DOCK8: variants seen among roughly 807,000 people sequenced by gnomAD.
DOCK8 encodes the protein dedicator of cytokinesis protein 8.
A neutral mutation model predicts 245.6 loss-of-function variants in DOCK8; 141 were observed. That is an observed-to-expected ratio of 0.57 (90% CI 0.50 to 0.66). DOCK8 has a LOEUF of 0.66. Ranked by LOEUF, DOCK8 falls within the 30% of genes least tolerant of loss-of-function variation. DOCK8 has a pLI of 0.00. For missense variants in DOCK8, 2,965 were observed against 2,603.4 expected, an observed-to-expected ratio of 1.14 and a Z score of -3.02; for synonymous variants, 1,168 against 970.2, an observed-to-expected ratio of 1.20 and a Z score of -3.79.
chr9:303,710 CGT>C (rs972059182), intron 4 of DOCK8, among the ~76,000 whole-genome samples: 2 of 152,112 alleles, frequency 1.3e-5, no homozygotes, highest in African/African-American at 4.8e-5. Context: ...ATGTGGGTGA[CGT>C]CAGTATCATG....
At chr9:362,137 G>C (rs2052759564) in intron 14 of DOCK8, among the ~76,000 whole-genome samples, 1 of 152,104 alleles carries the variant, frequency 6.6e-6, no homozygotes, top group South Asian at 2.1e-4. Context: ...ATGACTGATT[G>C]GTCCTCCATG....
At chr9:286,034 A>T (rs2048810773) in intron 2 of DOCK8, among the ~76,000 whole-genome samples, 3 of 152,206 alleles carry the variant, frequency 2.0e-5, no homozygotes, top group Admixed American at 2.0e-4. Context: ...CACTCAGCCA[A>T]GGAGTGTTGA....
intron 1 of DOCK8, among the ~76,000 whole-genome samples, chr9:216,027 G>T (rs1172977313): frequency 6.6e-6 from 1 of 152,134 alleles, no homozygotes; most frequent in Non-Finnish European, 1.5e-5. Flanking sequence ...TGTGTGAAGA[G>T]GTTTGAACAA....
intron 4 of DOCK8, among the ~76,000 whole-genome samples, chr9:290,065 T>A (rs1438787435): frequency 2.0e-5 from 3 of 152,212 alleles, no homozygotes; most frequent in Non-Finnish European, 4.4e-5. Context: ...ATAGCTCATT[T>A]TTTTTATTGC....
chr9:397,267 C>T (rs1281679879), intron 25 of DOCK8, among the ~76,000 whole-genome samples: 1 of 149,438 alleles, frequency 6.7e-6, no homozygotes, highest in Non-Finnish European at 1.5e-5. Context: ...AAGAGAACTG[C>T]TTGAACCTGG....
intron 46 of DOCK8, chr9:456,664 C>G (rs1472414003): frequency 6.6e-6 from 1 of 152,254 alleles, no homozygotes; most frequent in Admixed American, 6.5e-5. Flanking sequence ...ACTCTTCAAA[C>G]TGTTACCAAG....
upstream of DOCK8, chr9:214,605 G>C: frequency 6.2e-7 from 1 of 1,613,928 alleles, no homozygotes; most frequent in East Asian, 2.2e-5. Flanking sequence ...CGGGCAGATG[G>C]AGCTTCCGGC....
intron 1 of DOCK8, among the ~76,000 whole-genome samples, chr9:248,098 A>G (rs1368650763): frequency 4.6e-5 from 7 of 152,186 alleles, no homozygotes; most frequent in African/African-American, 1.4e-4. Flanking sequence ...GAGTCTGATA[A>G]TTTGGTGGAG....
intron 33 of DOCK8, 27 bp downstream of exon 33, chr9:422,162 C>G (rs2056304106): frequency 6.3e-7 from 1 of 1,593,534 alleles, no homozygotes. Context: ...CTTTCTGCTA[C>G]TTTTACCTAA....
intron 39 of DOCK8, among the ~76,000 whole-genome samples, chr9:435,707 G>T (rs1054430466): frequency 6.6e-6 from 1 of 152,178 alleles, no homozygotes; most frequent in East Asian, 1.9e-4. Context: ...CCCACATTTG[G>T]CAAAGGGAAA....
At chr9:434,685 A>G (rs1053835533) in intron 38 of DOCK8, 98 bp from the exon 39 acceptor site, 5 of 1,270,628 alleles carry the variant, frequency 3.9e-6, no homozygotes, top group Middle Eastern at 2.1e-4. Flanking sequence ...GGTACAGGGA[A>G]CTCTTGGGGA....
chr9:265,518 T>G (rs531213728), intron 1 of DOCK8, among the ~76,000 whole-genome samples: 11 of 152,334 alleles, frequency 7.2e-5, no homozygotes, highest in African/African-American at 2.6e-4. Flanking sequence ...ATATATTTGC[T>G]TTTCTTTACC....
At chr9:223,780 A>T (rs1161327017) in intron 1 of DOCK8, among the ~76,000 whole-genome samples, 7 of 151,354 alleles carry the variant, frequency 4.6e-5, no homozygotes, top group Admixed American at 4.6e-4. Context: ...TTTTTTTTTT[A>T]ATTAAAAAAG....
chr9:323,832 A>G (rs1180658060), intron 7 of DOCK8, among the ~76,000 whole-genome samples: 1 of 152,214 alleles, frequency 6.6e-6, no homozygotes, highest in Non-Finnish European at 1.5e-5. Flanking sequence ...AGTATGTATC[A>G]GAATCTCCCT....
chr9:405,132 A>G (rs1228716811), intron 27 of DOCK8, 59 bp downstream of exon 27: 2 of 1,491,664 alleles, frequency 1.3e-6, no homozygotes, highest in Non-Finnish European at 1.9e-6. Flanking sequence ...TAACTAGCTC[A>G]GTTTAATCAT....
At chr9:383,391 G>GC (rs1323941838) in intron 22 of DOCK8, among the ~76,000 whole-genome samples, 1 of 152,182 alleles carries the variant, frequency 6.6e-6, no homozygotes, top group East Asian at 1.9e-4. Flanking sequence ...AATTAGCCAG[G>GC]CGTGGTGGCA....
chr9:382,852 A>G (rs948745077), intron 22 of DOCK8, among the ~76,000 whole-genome samples, 167 bp downstream of exon 22: 12 of 152,186 alleles, frequency 7.9e-5, no homozygotes, highest in African/African-American at 2.9e-4. Context: ...GATTAAGACC[A>G]TTCTGACAGA....
chr9:436,718 A>G (rs1325380611), intron 39 of DOCK8, among the ~76,000 whole-genome samples: 3 of 152,244 alleles, frequency 2.0e-5, no homozygotes, highest in Admixed American at 6.5e-5. Flanking sequence ...ACATGGGGGC[A>G]TACAGCTCTA....
chr9:338,105 G>C (rs2051402353), intron 12 of DOCK8, among the ~76,000 whole-genome samples: 1 of 151,798 alleles, frequency 6.6e-6, no homozygotes, highest in Non-Finnish European at 1.5e-5. Context: ...AGTGAGCCGA[G>C]ATTGCCCCAC....
Sources: gnomAD v4.1 joint callset for allele counts (sites outside exome capture counted in the v4.1 genomes callset) on GRCh38, gnomAD v4.1.1 for gene constraint, MANE v1.5 for transcripts, NCBI Gene and HGNC (gene_info 2026-07-23, HGNC 2026-07-21) for gene names.